SLC12A7: variants seen among roughly 807,000 people sequenced by gnomAD.
The protein encoded by SLC12A7 is solute carrier family 12 member 7.
In SLC12A7, 100 loss-of-function variants were observed where a neutral mutation model predicts 120.6. The observed-to-expected ratio is 0.83, with a 90% CI of 0.71 to 0.98. The LOEUF is 0.98. Among genes scored for constraint, SLC12A7 ranks in the 50% least tolerant of loss-of-function variants. The pLI is 0.00. For missense variants in SLC12A7, 1,373 were observed against 1,548.1 expected (o/e 0.89, Z 1.90); for synonymous variants, 760 against 678.0 (o/e 1.12, Z -1.88).
chr5:1,076,326 C>T (rs995722873), intron 13 of SLC12A7, 90 bp from the exon 14 acceptor site: 1 of 1,028,038 alleles, frequency 9.7e-7, no homozygotes, highest in African/African-American at 1.6e-5. Flanking sequence ...TTGTCACTGT[C>T]CCTCCCACCT....
At chr5:1,069,623 A>G (rs1737434532) in intron 17 of SLC12A7, among the ~76,000 whole-genome samples, 1 of 152,212 alleles carries the variant, frequency 6.6e-6, no homozygotes, top group Non-Finnish European at 1.5e-5. Flanking sequence ...CACGGCAGCC[A>G]GCCCTGCCTG....
intron 23 of SLC12A7, among the ~76,000 whole-genome samples, 154 bp from the exon 24 acceptor site, chr5:1,052,605 C>G (rs1459830484): frequency 7.1e-6 from 1 of 140,142 alleles, no homozygotes; most frequent in Non-Finnish European, 1.6e-5. Context: ...ATTAGAGAGA[C>G]CCCCCAGGCG....
intron 1 of SLC12A7, among the ~76,000 whole-genome samples, chr5:1,100,501 C>T (rs112312013): frequency 6.6e-6 from 1 of 152,230 alleles, no homozygotes; most frequent in Non-Finnish European, 1.5e-5. Flanking sequence ...TCTGCGGATC[C>T]GACAGTGGGA....
At chr5:1,079,078 G>T (rs972443343) in intron 10 of SLC12A7, among the ~76,000 whole-genome samples, 3 of 152,152 alleles carry the variant, frequency 2.0e-5, no homozygotes, top group Non-Finnish European at 4.4e-5. Context: ...GAAAGAGGCA[G>T]CCTTGGGATT....
At position 1,052,218 on chromosome 5, in the gene SLC12A7, C is replaced by T. The variant is rs777285619; in HGVS notation, c.*142G>A. On this transcript the variant is annotated 3_prime_UTR_variant, in exon 24 of 24. Coordinates refer to ENST00000264930, the MANE Select transcript of SLC12A7 (RefSeq NM_006598.3). ...CCTAGGTGACGGGCCTAGAAACTTC[C>T]GTAGGAAGCCCCATGGGCAGCTTGG... is the stretch of plus-strand genomic sequence containing the variant. 219 of 717,380 alleles carry T rather than the reference C, an allele frequency of 3.1e-4. 1 individual carries two copies. Among genetic ancestry groups the T allele is most frequent in the East Asian group, 1.8e-3 (70 of 39,758 alleles). The allele number at this position is 717,380 out of a possible 1,614,324, so 44.4% of individuals were successfully genotyped here. A position where few individuals can be genotyped will look rare whatever the true frequency, so the allele number is the denominator to read the frequency against.
chr5:1,078,609 C>G (rs544801171), intron 11 of SLC12A7, 92 bp downstream of exon 11: 5 of 1,064,632 alleles, frequency 4.7e-6, no homozygotes, highest in Non-Finnish European at 7.2e-6. Context: ...GACATGAAGT[C>G]CTAGGGCGAT....
chr5:1,065,028 G>C (rs549615390), intron 18 of SLC12A7, among the ~76,000 whole-genome samples: 45 of 140,702 alleles, frequency 3.2e-4, no homozygotes, highest in Non-Finnish European at 4.9e-4. Flanking sequence ...ACACGGGACA[G>C]TGAGGGGACA....
intron 1 of SLC12A7, among the ~76,000 whole-genome samples, chr5:1,095,073 C>CGTAGGAGGCGGGGGGCCG (rs1561095124): frequency 2.2e-5 from 3 of 136,974 alleles, no homozygotes; most frequent in East Asian, 4.4e-4. Context: ...AGGTGGGGCC[C>CGTAGGAGGCGGGGGGCCG]GTAGGAGGTG....
chr5:1,154,117 C>T, the SLC12A7 span, among the ~76,000 whole-genome samples: 29 of 152,160 alleles, frequency 1.9e-4, no homozygotes, highest in South Asian at 4.2e-3. Flanking sequence ...GTGTTCCTGA[C>T]GCTAACCCTA....
intron 4 of SLC12A7, 95 bp from the exon 5 acceptor site, chr5:1,088,455 C>T (rs936519825): frequency 1.1e-5 from 15 of 1,326,818 alleles, no homozygotes; most frequent in African/African-American, 7.3e-5. Flanking sequence ...CGGCTCCCGC[C>T]GAATGCCAGC....
intron 17 of SLC12A7, among the ~76,000 whole-genome samples, chr5:1,066,482 T>C (rs1478440325): frequency 6.6e-6 from 1 of 152,146 alleles, no homozygotes; most frequent in African/African-American, 2.4e-5. Context: ...GTGTGGCAGA[T>C]ATGAATTTTA....
chr5:1,062,104 T>C (rs1736357645), intron 20 of SLC12A7, among the ~76,000 whole-genome samples: 2 of 152,040 alleles, frequency 1.3e-5, no homozygotes, highest in African/African-American at 4.8e-5. Flanking sequence ...AGCTCCAGGT[T>C]CCCGGACTTC....
At chr5:1,082,582 C>CCCG (rs1398187579) in intron 8 of SLC12A7, among the ~76,000 whole-genome samples, 1 of 140,298 alleles carries the variant, frequency 7.1e-6, no homozygotes, top group African/African-American at 2.7e-5. Context: ...TCCGGGCTTC[C>CCCG]TCTCTAGGGT....
chr5:1,141,382 A>C, the SLC12A7 span, among the ~76,000 whole-genome samples: 9 of 152,152 alleles, frequency 5.9e-5, no homozygotes, highest in Non-Finnish European at 1.2e-4. Flanking sequence ...CCCAGTCCTA[A>C]TGGAGAGATG....
rs202044536 is a variant in SLC12A7 at position 1,074,578 on chromosome 5, G to A, written c.2061C>T (p.Thr687=). 1.3e-4 allele frequency: 211 copies of A among 1,612,004 alleles called. No individual in the cohort carries two copies. The highest frequency in any genetic ancestry group is 1.7e-4 in the Non-Finnish European group (200 of 1,179,412). ...LLRVEHGPPH[T]KNWRPQVLVM... Reference sequence around the variant, plus strand: ...TGGGCGGTGCTCACCTCCAGTTCTTGGTGTGGGGGGGACCGTGCTCCACGC... The same window carrying A: ...TGGGCGGTGCTCACCTCCAGTTCTTAGTGTGGGGGGGACCGTGCTCCACGC... The change falls in exon 16 of 24, where the codon ACC becomes ACT. Residue 687 remains threonine (T), a synonymous_variant. Transcript: ENST00000264930.
chr5:1,079,258 G>A, intron 10 of SLC12A7, 140 bp downstream of exon 10: 1 of 665,480 alleles, frequency 1.5e-6, no homozygotes, highest in South Asian at 1.8e-5. Context: ...GTCTCCCAGG[G>A]AGGATGACGT....
chr5:1,146,928 T>A, the SLC12A7 span, among the ~76,000 whole-genome samples: 1 of 152,170 alleles, frequency 6.6e-6, no homozygotes, highest in Non-Finnish European at 1.5e-5. The surrounding 1 kb of genome is among the most constrained non-coding windows in gnomAD (Gnocchi z 6.5). Flanking sequence ...AAGGCCCAGC[T>A]GCACCCGCCC....
intron 2 of SLC12A7, among the ~76,000 whole-genome samples, 178 bp downstream of exon 2, chr5:1,093,976 C>T: frequency 6.6e-6 from 1 of 152,092 alleles, no homozygotes; most frequent in East Asian, 1.9e-4. Context: ...GAGCACGTCC[C>T]AGCTCAAGTG....
chr5:1,068,661 C>T (rs558060555), intron 17 of SLC12A7, among the ~76,000 whole-genome samples: 29 of 152,322 alleles, frequency 1.9e-4, no homozygotes, highest in African/African-American at 6.7e-4. Flanking sequence ...AGGGTGCGCT[C>T]GTCCTCCCGT....
Sources: gnomAD v4.1 joint callset for allele counts (sites outside exome capture counted in the v4.1 genomes callset) on GRCh38, gnomAD v4.1.1 for gene constraint, Gnocchi (gnomAD v3.1) non-coding constraint, MANE v1.5 for transcripts, NCBI Gene and HGNC (gene_info 2026-07-23, HGNC 2026-07-21) for gene names.